MDM1: variants seen among roughly 807,000 people sequenced by gnomAD.
MDM1 encodes the protein Mdm1 nuclear protein.
In MDM1, 61 loss-of-function variants were observed where a neutral mutation model predicts 89.1. That is an observed-to-expected ratio of 0.68 (90% CI 0.56 to 0.85). The LOEUF is 0.85. Ranked by LOEUF, MDM1 falls within the 40% of genes least tolerant of loss-of-function variation. The pLI is 0.00. For synonymous variants in MDM1, 290 were observed against 294.1 expected (o/e 0.99, Z 0.14); for missense variants, 820 against 846.5 (o/e 0.97, Z 0.39).
Position 68,295,324 on chromosome 12 carries a change from G to A in MDM1, c.2105C>T (p.Ser702Phe). Residue 702 changes from serine to phenylalanine, a missense_variant, in exon 15 of 15, where the codon TCT becomes TTT. Ser to Phe is a radical substitution (Grantham distance 155, BLOSUM62 -2). Transcript: ENST00000682720. ...LSEISARSAA[S>F]SLRAFQTLAR... ...CAGAGTTTGAAAAGCCCGGAGACTA[G>A]AAGCTGCAGAGCGAGCAGAAATCTC... 1.2e-6 allele frequency: 2 copies of A among 1,613,352 alleles called. No homozygotes were observed. Among genetic ancestry groups the A allele is most frequent in the South Asian group, 2.2e-5 (2 of 90,982 alleles).
At chr12:68,315,960 C>T in intron 9 of MDM1, 118 bp downstream of exon 9, 1 of 750,316 alleles carries the variant, frequency 1.3e-6, no homozygotes, top group South Asian at 3.2e-5. Context: ...TAAATGGCTG[C>T]CACAATTCCA....
intron 14 of MDM1, among the ~76,000 whole-genome samples, chr12:68,296,476 G>A (rs376769077): frequency 3.9e-5 from 6 of 152,178 alleles, no homozygotes; most frequent in East Asian, 3.8e-4. Context: ...CCAGCCTGGC[G>A]ACAGAGCGAG....
intron 5 of MDM1, among the ~76,000 whole-genome samples, chr12:68,322,736 T>G (rs1005788329): frequency 2.0e-5 from 3 of 152,264 alleles, no homozygotes; most frequent in Non-Finnish European, 4.4e-5. Flanking sequence ...TGGAGGTTAC[T>G]GTAAATCCAG....
intron 2 of MDM1, 107 bp downstream of exon 2, chr12:68,331,000 T>A: frequency 1.5e-6 from 1 of 686,650 alleles, no homozygotes; most frequent in South Asian, 1.7e-5. Context: ...TTTTAATATA[T>A]CATTTGGTAA....
At chr12:68,316,783 C>G (rs1460065339) in intron 7 of MDM1, among the ~76,000 whole-genome samples, 173 bp from the exon 8 acceptor site, 2 of 152,186 alleles carry the variant, frequency 1.3e-5, no homozygotes, top group African/African-American at 4.8e-5. Context: ...TTATTATTAT[C>G]TTGAAAACCA....
Position 68,316,598 on chromosome 12 carries a change from C to T in MDM1, c.1018G>A (p.Ala340Thr), listed in dbSNP as rs1253208294. 2 of 1,534,914 alleles carry T rather than the reference C, an allele frequency of 1.3e-6. No individual in the cohort carries two copies. The change falls in exon 8 of 15, where the codon GCC becomes ACC. Residue 340 changes from alanine (A) to threonine (T), a missense_variant. Physicochemically the swap from Ala to Thr is moderately conservative, Grantham distance 58. Transcript: ENST00000682720. ...GNMPNQGSLN[A>T]MWYAEVKELR... Reference sequence around the variant, plus strand: ...CAACCAACCTCAGCATACCACATGGCATTTAGAGAACCCTAGAGAAGGAAT... The same window carrying T: ...CAACCAACCTCAGCATACCACATGGTATTTAGAGAACCCTAGAGAAGGAAT...
At chr12:68,300,924 G>C (rs1223850699) in intron 13 of MDM1, among the ~76,000 whole-genome samples, 1 of 152,148 alleles carries the variant, frequency 6.6e-6, no homozygotes, top group Non-Finnish European at 1.5e-5. Flanking sequence ...CCACAGACAA[G>C]TCTCAATAAA....
At chr12:68,306,620 C>T (rs1872922778) in intron 12 of MDM1, among the ~76,000 whole-genome samples, 1 of 152,092 alleles carries the variant, frequency 6.6e-6, no homozygotes, top group East Asian at 1.9e-4. Context: ...AGCCAACAAA[C>T]ATGAAAGAAT....
At chr12:68,328,056 G>C (rs568378764) in intron 2 of MDM1, among the ~76,000 whole-genome samples, 53 of 152,186 alleles carry the variant, frequency 3.5e-4, no homozygotes, top group African/African-American at 1.2e-3. Flanking sequence ...TCCCACTTTA[G>C]AGAAGAAAGA....
chr12:68,304,848 A>G (rs780545521), intron 12 of MDM1, among the ~76,000 whole-genome samples: 3 of 152,160 alleles, frequency 2.0e-5, no homozygotes, highest in Non-Finnish European at 4.4e-5. Flanking sequence ...ATCATATCCT[A>G]TTTGCTTTGT....
chr12:68,307,582 A>T (rs1318095131), intron 12 of MDM1, among the ~76,000 whole-genome samples: 2 of 152,220 alleles, frequency 1.3e-5, no homozygotes, highest in African/African-American at 4.8e-5. Flanking sequence ...TTGGGGCTAC[A>T]ATGAGCCGTG....
intron 2 of MDM1, chr12:68,327,592 CA>C: frequency 7.3e-7 from 1 of 1,367,700 alleles, no homozygotes. Context: ...AGCAAATGTC[CA>C]AAAACTTAAC....
chr12:68,296,357 G>T (rs1871385381), intron 14 of MDM1, among the ~76,000 whole-genome samples: 1 of 152,160 alleles, frequency 6.6e-6, no homozygotes, highest in Non-Finnish European at 1.5e-5. Flanking sequence ...AATTAGCCGG[G>T]TGTGGTAGCG....
intron 2 of MDM1, among the ~76,000 whole-genome samples, chr12:68,330,041 G>A (rs937026767): frequency 2.0e-5 from 3 of 152,130 alleles, no homozygotes; most frequent in African/African-American, 7.2e-5. Context: ...TCAGCTTTCA[G>A]GTCTCAGCTC....
chr12:68,321,111 G>GT (rs1392155397), intron 7 of MDM1: 5 of 373,454 alleles, frequency 1.3e-5, no homozygotes, highest in Non-Finnish European at 2.4e-5. Flanking sequence ...ATGTTTGATG[G>GT]TAAAAAGCAT....
chr12:68,315,351 T>C, intron 9 of MDM1, 86 bp from the exon 10 acceptor site: 1 of 1,258,962 alleles, frequency 7.9e-7, no homozygotes, highest in Non-Finnish European at 1.1e-6. Flanking sequence ...CATCATTTCC[T>C]TCTACTGTTC....
intron 10 of MDM1, among the ~76,000 whole-genome samples, chr12:68,314,234 A>G (rs1349356670): frequency 6.6e-6 from 1 of 152,184 alleles, no homozygotes; most frequent in Non-Finnish European, 1.5e-5. Flanking sequence ...GAAATTTCCA[A>G]TAATGAATAG....
In MDM1 at chr12:68,302,656, G is replaced by A; in HGVS notation, c.1966C>T (p.Gln656Ter). 12 of 1,613,814 alleles carry A rather than the reference G, an allele frequency of 7.4e-6. No individual in the cohort carries two copies. The highest frequency in any genetic ancestry group is 9.3e-6 in the Non-Finnish European group (11 of 1,179,810). Reference sequence around the variant, plus strand: ...AACTCTGGATCTCTAAGAGAGCCCTGAATTCGTCGAGAGGGATGCCAGTAG... The same window carrying A: ...AACTCTGGATCTCTAAGAGAGCCCTAAATTCGTCGAGAGGGATGCCAGTAG... The part of the protein sequence containing the change: ...PSYWHPSRRI[Q>*]GSLRDPEFQH... The change falls in exon 13 of 15, where the codon CAG (glutamine) becomes TAG (stop). Residue 656 changes from glutamine to a stop codon, truncating the protein, a stop_gained. Coordinates refer to ENST00000682720, the MANE Select transcript of MDM1 (RefSeq NM_001354969.2). LOFTEE classifies it high-confidence loss of function.
Position 68,315,249 on chromosome 12 carries a change from T to C in MDM1, c.1228A>G (p.Lys410Glu). 1 of 1,613,640 alleles carries C rather than the reference T, an allele frequency of 6.2e-7. No individual in the cohort carries two copies. Among genetic ancestry groups the C allele is most frequent in the Non-Finnish European group, 8.5e-7 (1 of 1,179,596 alleles). The change falls in exon 10 of 15, where the codon AAG becomes GAG. Residue 410 changes from lysine (K) to glutamate (E), a missense_variant. Lys to Glu is a moderately conservative substitution (Grantham distance 56, BLOSUM62 1). Transcript: ENST00000682720. ...LDLAGDPTSH[K>E]TLQKCPSTEP... ...GTAGAAGGACATTTCTGCAAAGTCT[T>C]ATGGCTTGTAGGATCTCTGCGTAAC... is the stretch of plus-strand genomic sequence containing the variant.
Sources: allele counts gnomAD v4.1 joint callset (sites outside exome capture counted in the v4.1 genomes callset), GRCh38; gene constraint gnomAD v4.1.1; transcripts MANE v1.5; gene names NCBI Gene and HGNC (gene_info 2026-07-23, HGNC 2026-07-21).